PKN2: variants seen among roughly 807,000 people sequenced by gnomAD.
PKN2 encodes the protein protein kinase N2, also known as serine/threonine-protein kinase N2.
PKN2 carries 38 observed loss-of-function variants against 119.1 expected under a neutral mutation model. The observed-to-expected ratio is 0.32, with a 90% confidence interval of 0.25 to 0.42. The LOEUF (loss-of-function observed/expected upper bound fraction) is 0.42, where lower values mean the gene tolerates loss of function less well. PKN2 is among the 10% of genes least tolerant of loss of function. PKN2 has a pLI of 1.00. For synonymous variants in PKN2, 390 were observed against 384.9 expected (o/e 1.01, Z -0.15); for missense variants, 850 against 1,165.1 (o/e 0.73, Z 3.94).
At chr1:88,724,575 C>CT (rs35072207) in intron 1 of PKN2, among the ~76,000 whole-genome samples, 5,112 of 140,976 alleles carry the variant, frequency 0.036, 250 homozygotes, top group African/African-American at 0.11. Context: ...AGGGATTACT[C>CT]TTTTTTTTTT....
chr1:88,740,081 A>T (rs192553701), intron 1 of PKN2, among the ~76,000 whole-genome samples: 2 of 152,174 alleles, frequency 1.3e-5, no homozygotes, highest in Admixed American at 6.5e-5. Context: ...ATTGTGTATT[A>T]TAAATAACTA....
chr1:88,782,165 C>T (rs1032828795), intron 6 of PKN2, among the ~76,000 whole-genome samples: 1 of 152,044 alleles, frequency 6.6e-6, no homozygotes, highest in African/African-American at 2.4e-5. Flanking sequence ...CATTGTTTTG[C>T]ATGAGAGATC....
At chr1:88,687,563 C>G (rs962455247) in intron 1 of PKN2, among the ~76,000 whole-genome samples, 1 of 152,080 alleles carries the variant, frequency 6.6e-6, no homozygotes, top group African/African-American at 2.4e-5. Context: ...AGAATGCAGA[C>G]CAAATATTGA....
intron 8 of PKN2, among the ~76,000 whole-genome samples, chr1:88,801,148 G>A (rs1474979856): frequency 6.6e-6 from 1 of 152,148 alleles, no homozygotes; most frequent in Non-Finnish European, 1.5e-5. Flanking sequence ...CTTTGGGGGA[G>A]CCAAGACGGG....
At chr1:88,703,679 A>C (rs1332376828) in intron 1 of PKN2, among the ~76,000 whole-genome samples, 1 of 152,172 alleles carries the variant, frequency 6.6e-6, no homozygotes, top group Non-Finnish European at 1.5e-5. Flanking sequence ...TTTACTATAG[A>C]GTTCTAGGAA....
intron 15 of PKN2, among the ~76,000 whole-genome samples, chr1:88,813,280 T>A (rs1324729031): frequency 2.0e-5 from 3 of 152,164 alleles, no homozygotes; most frequent in Non-Finnish European, 4.4e-5. Flanking sequence ...TTAAGCCTTT[T>A]AAAAAATCAA....
intron 2 of PKN2, among the ~76,000 whole-genome samples, chr1:88,743,578 T>G (rs779825674): frequency 8.5e-5 from 13 of 152,240 alleles, no homozygotes; most frequent in Non-Finnish European, 1.6e-4. Flanking sequence ...GTCCATTCAT[T>G]GTTGCATTGT....
At chr1:88,789,662 CATAATAATAATA>C (rs10573546) in intron 8 of PKN2, among the ~76,000 whole-genome samples, 8 of 146,432 alleles carry the variant, frequency 5.5e-5, no homozygotes, top group African/African-American at 1.8e-4. Context: ...GACTCTATCT[CATAATAATAATA>C]ATAATAATAA....
At chr1:88,750,772 C>T (rs958911589) in intron 2 of PKN2, among the ~76,000 whole-genome samples, 1 of 152,116 alleles carries the variant, frequency 6.6e-6, no homozygotes, top group Admixed American at 6.5e-5. Context: ...TAAAACCTGA[C>T]TTTTTAAAAC....
At chr1:88,824,271 ATTT>A in intron 17 of PKN2, 36 bp from the exon 18 acceptor site, 1 of 880,726 alleles carries the variant, frequency 1.1e-6, no homozygotes, top group Non-Finnish European at 1.7e-6. Context: ...GATTTCTTTG[ATTT>A]TTTTTTTTCA....
intron 1 of PKN2, among the ~76,000 whole-genome samples, chr1:88,689,398 A>C (rs1666243143): frequency 6.6e-6 from 1 of 152,186 alleles, no homozygotes; most frequent in Non-Finnish European, 1.5e-5. Flanking sequence ...TTAAGATAGA[A>C]ATCACAGTAG....
chr1:88,732,503 T>C (rs1377248644), intron 1 of PKN2, among the ~76,000 whole-genome samples: 1 of 152,182 alleles, frequency 6.6e-6, no homozygotes, highest in Non-Finnish European at 1.5e-5. Flanking sequence ...CTTGAAATTC[T>C]TTTGTTATGA....
chr1:88,702,044 C>T (rs1260899924), intron 1 of PKN2, among the ~76,000 whole-genome samples: 40 of 152,230 alleles, frequency 2.6e-4, no homozygotes, highest in African/African-American at 8.4e-4. Context: ...CTGCAACCTC[C>T]GCCTCCTGGG....
chr1:88,688,055 A>G (rs1219022691), intron 1 of PKN2, among the ~76,000 whole-genome samples: 1 of 150,590 alleles, frequency 6.6e-6, no homozygotes, highest in Non-Finnish European at 1.5e-5. Context: ...TCTGAGTTTG[A>G]ACCCAGGTCT....
chr1:88,768,847 C>T (rs973666045), intron 3 of PKN2, among the ~76,000 whole-genome samples: 3 of 152,142 alleles, frequency 2.0e-5, no homozygotes, highest in Admixed American at 2.0e-4. Flanking sequence ...GCAGACTGTA[C>T]AAGAAGGATG....
chr1:88,721,868 ATG>A (rs796907257), intron 1 of PKN2, among the ~76,000 whole-genome samples: 9 of 152,216 alleles, frequency 5.9e-5, no homozygotes, highest in African/African-American at 2.2e-4. Context: ...CTACCACTCT[ATG>A]TGAGTGTGTG....
intron 3 of PKN2, among the ~76,000 whole-genome samples, chr1:88,764,966 C>T (rs1158605866): frequency 6.6e-6 from 1 of 152,064 alleles, no homozygotes; most frequent in Non-Finnish European, 1.5e-5. Flanking sequence ...GCTCTGTCGC[C>T]TAGGCTCAAG....
chr1:88,831,417 A>G (rs967905025), intron 19 of PKN2, among the ~76,000 whole-genome samples: 1 of 151,666 alleles, frequency 6.6e-6, no homozygotes, highest in African/African-American at 2.4e-5. Context: ...TTTTCTTCTG[A>G]CTTACTGTTT....
At chr1:88,782,941 A>T (rs766539098) in intron 6 of PKN2, among the ~76,000 whole-genome samples, 1 of 152,236 alleles carries the variant, frequency 6.6e-6, no homozygotes, top group Admixed American at 6.5e-5. Flanking sequence ...CTTGGAAACA[A>T]TATGACCCTT....
Sources: gnomAD v4.1 joint callset for allele counts (sites outside exome capture counted in the v4.1 genomes callset) on GRCh38, gnomAD v4.1.1 for gene constraint, MANE v1.5 for transcripts, NCBI Gene and HGNC (gene_info 2026-07-23, HGNC 2026-07-21) for gene names.